The following INTS1 variants were observed in gnomAD, a reference collection of about 807,000 sequenced individuals.
The protein encoded by INTS1 is integrator complex subunit 1.
A neutral mutation model predicts 241.6 loss-of-function variants in INTS1; 137 were observed. The observed-to-expected ratio is 0.57, with a 90% CI of 0.49 to 0.65. The LOEUF (loss-of-function observed/expected upper bound fraction) is 0.65. INTS1 is among the 30% of genes least tolerant of loss of function. The pLI is 0.00. For synonymous variants in INTS1, 1,692 were observed against 1,337.8 expected, an observed-to-expected ratio of 1.26 and a Z score of -5.78; for missense variants, 3,073 against 3,032.2, an observed-to-expected ratio of 1.01 and a Z score of -0.32.
At position 1,484,077 on chromosome 7, in the gene INTS1, C is replaced by A. The variant is rs372312900; in HGVS notation, c.3355G>T (p.Ala1119Ser). 6.2e-7 allele frequency: 1 copy of A among 1,612,394 alleles called. No individual in the cohort carries two copies. Among genetic ancestry groups the A allele is most frequent in the Non-Finnish European group, 8.5e-7 (1 of 1,179,774 alleles). Residue 1119 changes from alanine (A) to serine (S), a missense_variant, in exon 25 of 48, where the codon GCT becomes TCT. Physicochemically the swap from Ala to Ser is moderately conservative, Grantham distance 99. Coordinates refer to ENST00000404767, the MANE Select transcript of INTS1 (RefSeq NM_001080453.3). ...PSAASDAVLS[A>S]LLSIFSRYVR... is the part of the protein sequence containing the mutation. ...TAGCGTGAGAAGATGGACAACAGAG[C>A]GCTCAGCACGGCGTCCGACGCGGCA...
chr7:1,503,848 G>GACCCCCAAAT, intron 2 of INTS1, 55 bp downstream of exon 2: 13 of 1,240,080 alleles, frequency 1.0e-5, no homozygotes, highest in Non-Finnish European at 1.5e-5. Flanking sequence ...GATCCCCAAA[G>GACCCCCAAAT]ACCCCCAAAG....
intron 13 of INTS1, 35 bp downstream of exon 13, chr7:1,495,398 T>A (rs762710730): frequency 1.1e-5 from 17 of 1,584,676 alleles, no homozygotes; most frequent in Non-Finnish European, 1.5e-5. Context: ...CTCAGTGGGG[T>A]GTGGGACAGG....
At chr7:1,475,881 G>A in intron 39 of INTS1, 67 bp downstream of exon 39, 2 of 1,507,770 alleles carry the variant, frequency 1.3e-6, no homozygotes, top group South Asian at 1.2e-5. Flanking sequence ...TGTGGCCTCC[G>A]CCCTCCCTCC....
intron 11 of INTS1, 36 bp from the exon 12 acceptor site, chr7:1,496,300 A>T: frequency 6.5e-7 from 1 of 1,528,668 alleles, no homozygotes; most frequent in East Asian, 2.3e-5. Context: ...TCCAGAAGGG[A>T]CACCCGGGAG....
Position 1,476,301 on chromosome 7 carries a change from C to A in INTS1, c.5306G>T (p.Cys1769Phe). The A allele has an allele frequency of 6.3e-7, 1 of 1,587,708 alleles. No individual in the cohort carries two copies. Among genetic ancestry groups the A allele is most frequent in the Admixed American group, 1.8e-5 (1 of 56,506 alleles). ...QARLPLLLSC[C>F]CGDDESVRKV... ...CCTGACACTCTCATCGTCCCCACAG[C>A]AGCAGCTGAGCAGCAGGGGCAGCCG... The change falls in exon 38 of 48, where the codon TGC (cysteine) becomes TTC (phenylalanine). Residue 1769 changes from cysteine (C) to phenylalanine (F), a missense_variant. Cys to Phe is a radical substitution (Grantham distance 205). Transcript: ENST00000404767.
In INTS1 at chr7:1,499,181, G is replaced by A. The variant is rs201481451; in HGVS notation, c.951-20C>T. The A allele has an allele frequency of 6.4e-5, 102 of 1,606,006 alleles. No individual in the cohort carries two copies. Among genetic ancestry groups the A allele is most frequent in the Admixed American group, 4.7e-4 (28 of 59,772 alleles). On this transcript the variant is annotated intron_variant, in intron 7 of 47. Coordinates refer to ENST00000404767, the MANE Select transcript of INTS1 (RefSeq NM_001080453.3). ...TCGTACCTAGGCCAGAGGAGGGAGCGAGGAGGGAGGAAGGTGGCCCCGAGG... is the reference window on the plus strand; with the variant it reads ...TCGTACCTAGGCCAGAGGAGGGAGCAAGGAGGGAGGAAGGTGGCCCCGAGG...
At chr7:1,484,621 G>A (rs1176015339) in intron 24 of INTS1, among the ~76,000 whole-genome samples, 1 of 152,216 alleles carries the variant, frequency 6.6e-6, no homozygotes, top group Non-Finnish European at 1.5e-5. Flanking sequence ...TGAGGACAGC[G>A]GGCAGGTGCC....
chr7:1,476,109 G>A (rs1439696644), intron 38 of INTS1, 38 bp from the exon 39 acceptor site: 3 of 1,529,500 alleles, frequency 2.0e-6, no homozygotes, highest in Non-Finnish European at 2.6e-6. Context: ...GGCGGACGGG[G>A]CCCCAGTGAC....
rs762930639 is a variant in INTS1, at chr7:1,476,605, G to A, written c.5116C>T (p.Arg1706Cys). The A allele has an allele frequency of 3.1e-5, 50 of 1,612,530 alleles. No individual in the cohort carries two copies. The highest frequency in any genetic ancestry group is 4.0e-5 in the Non-Finnish European group (47 of 1,179,888). Residue 1706 changes from arginine (R) to cysteine (C), a missense_variant, in exon 37 of 48, where the codon CGC becomes TGC. By Grantham distance (180) the Arg-to-Cys change is radical. Transcript: ENST00000404767. ...CGCTGGTCCCGCCCCTGCCAGATGC[G>A]AGGAACATGGATGCAGGCCCAGAGG... is the stretch of plus-strand genomic sequence containing the variant. ...DFLWACIHVPRIWQGRDQRTP... is the reference protein window; with the variant it reads ...DFLWACIHVPCIWQGRDQRTP...
Position 1,476,090 on chromosome 7 carries a change from G to A in INTS1, c.5379-19C>T. The A allele has an allele frequency of 2.0e-6, 3 of 1,533,942 alleles. No homozygotes were observed. Among genetic ancestry groups the A allele is most frequent in the South Asian group, 1.2e-5 (1 of 83,822 alleles). ...CAGCACGCTGGAAGAGGTGGAGCAG[G>A]GCTCACCAGGCGGACGGGGCCCCAG... On this transcript the variant is annotated intron_variant, in intron 38 of 47. Transcript: ENST00000404767.
In INTS1 at chr7:1,478,290, G is replaced by A. The variant is rs566076264; in HGVS notation, c.4630+76C>T. ...GAGCAGACACTGTCCGTCCCCCACT[G>A]GGCAGCTAGAAGGAGCCTCAGGTTT... On this transcript the variant is annotated intron_variant, in intron 33 of 47. Transcript: ENST00000404767. 2.7e-6 allele frequency: 4 copies of A among 1,508,744 alleles called. No homozygotes were observed. In the African/African-American group the frequency reaches 4.1e-5, roughly 16 times the overall value. 93.5% of individuals were successfully genotyped at this position (1,508,744 alleles called of 1,614,324 possible).
rs368577973 is a variant in INTS1 at position 1,499,606 on chromosome 7, C to G, written c.711G>C (p.Glu237Asp). 22 of 1,612,920 alleles carry G rather than the reference C, an allele frequency of 1.4e-5. No homozygotes were observed. The highest frequency in any genetic ancestry group is 1.8e-5 in the Non-Finnish European group (21 of 1,179,398). Reference protein sequence around the residue: ...VKVYIEDSLGERIWVDSPHCK... With the variant: ...VKVYIEDSLGDRIWVDSPHCK... ...AGTGAGGGCTGTCCACCCAGATCCG[C>G]TCCCCCAGGGAGTCCTCGATGTACA... The change falls in exon 6 of 48, where the codon GAG (glutamate) becomes GAC (aspartate). Residue 237 changes from glutamate (E) to aspartate (D), a missense_variant. Glu to Asp is a conservative substitution (Grantham distance 45, BLOSUM62 2). Coordinates refer to ENST00000404767, the MANE Select transcript of INTS1 (RefSeq NM_001080453.3).
At chr7:1,489,509 A>G in intron 17 of INTS1, 82 bp downstream of exon 17, 1 of 1,530,842 alleles carries the variant, frequency 6.5e-7, no homozygotes, top group Non-Finnish European at 8.9e-7. Flanking sequence ...GGCTCATCCC[A>G]AGTCCCAACA....
intron 10 of INTS1, among the ~76,000 whole-genome samples, chr7:1,498,049 AC>A (rs1393651196): frequency 7.1e-5 from 7 of 98,156 alleles, no homozygotes; most frequent in African/African-American, 4.6e-4. Flanking sequence ...CCCGGTCTCC[AC>A]AAAATTTTTA....
Position 1,499,057 on chromosome 7 carries a change from C to T in INTS1, c.1055G>A (p.Arg352Gln). The stretch of plus-strand genomic sequence containing the variant: ...ATAGCCGCAGGTGGAGGTGAGGAGC[C>T]GCAGGAGGTTCCTGGAGACGTTGTC... ...PIDNVSRNLL[R>Q]LLTSTCGYKE... The change falls in exon 8 of 48, where the codon CGG (arginine) becomes CAG (glutamine). Residue 352 changes from arginine to glutamine, a missense_variant. Transcript: ENST00000404767. 2.5e-6 allele frequency: 4 copies of T among 1,598,966 alleles called. No individual in the cohort carries two copies. The highest frequency in any genetic ancestry group is 2.3e-5 in the East Asian group (1 of 44,290).
chr7:1,471,829 A>G, intron 44 of INTS1, 188 bp from the exon 45 acceptor site: 1 of 609,804 alleles, frequency 1.6e-6, no homozygotes, highest in South Asian at 1.9e-5. Flanking sequence ...CCCTGCCCCT[A>G]CTAGTGGCCT....
intron 16 of INTS1, among the ~76,000 whole-genome samples, chr7:1,490,895 G>A (rs1221620611): frequency 2.0e-5 from 3 of 152,342 alleles, no homozygotes; most frequent in Non-Finnish European, 2.9e-5. Context: ...GAGTCGAGAG[G>A]TCAACCCTCT....
chr7:1,503,310 G>T, intron 2 of INTS1, 119 bp from the exon 3 acceptor site: 2 of 1,099,524 alleles, frequency 1.8e-6, no homozygotes, highest in Non-Finnish European at 1.3e-6. Flanking sequence ...AGGCAAGGAA[G>T]AAGCCAGAGC....
chr7:1,503,561 G>C (rs1277458650), intron 2 of INTS1, among the ~76,000 whole-genome samples: 1 of 152,218 alleles, frequency 6.6e-6, no homozygotes, highest in Non-Finnish European at 1.5e-5. Context: ...GCAAAGTCCG[G>C]AGGATCTGAG....
Sources: gnomAD v4.1 joint callset for allele counts (sites outside exome capture counted in the v4.1 genomes callset) on GRCh38, gnomAD v4.1.1 for gene constraint, MANE v1.5 for transcripts, NCBI Gene and HGNC (gene_info 2026-07-23, HGNC 2026-07-21) for gene names.